The following IGSF9 variants were observed in gnomAD, a reference collection of about 807,000 sequenced individuals.
The protein encoded by IGSF9 is protein turtle homolog A.
Under a neutral mutation model 121.7 loss-of-function variants are expected in IGSF9, and 87 were observed. The ratio of observed to expected loss-of-function variants is 0.71; its 90% confidence interval spans 0.60 to 0.85. The LOEUF (loss-of-function observed/expected upper bound fraction) is 0.85, where lower values mean the gene tolerates loss of function less well. Ranked by LOEUF, IGSF9 falls within the 40% of genes least tolerant of loss-of-function variation. IGSF9 has a pLI of 0.00. For synonymous variants in IGSF9, 640 were observed against 648.4 expected, an observed-to-expected ratio of 0.99 and a Z score of 0.20; for missense variants, 1,462 against 1,565.3, an observed-to-expected ratio of 0.93 and a Z score of 1.11.
intron 14 of IGSF9, 66 bp from the exon 15 acceptor site, chr1:159,930,505 C>T (rs1650955444): frequency 3.3e-6 from 5 of 1,517,602 alleles, no homozygotes; most frequent in Non-Finnish European, 4.4e-6. Flanking sequence ...CCTTCCACAA[C>T]TCCCAGTGCC....
rs773145007 is a variant in IGSF9 at position 159,929,382 on chromosome 1, T to C, written c.2338A>G (p.Ile780Val). The stretch of plus-strand genomic sequence containing the variant: ...GCTGACTTCCCGGTCGGAGAGAAGA[T>C]AAGAGGTGGATCTGGAAGGGCATGA... ...RKRLRQDPPL[I>V]FSPTGKSAAP... The change falls in exon 18 of 21, where the codon ATC becomes GTC. Residue 780 changes from isoleucine to valine, a missense_variant. Around this residue, in one of 3 missense-constraint regions of IGSF9, gnomAD observed 808 missense variants for 815.2 expected, o/e 0.99. Coordinates refer to ENST00000368094, the MANE Select transcript of IGSF9 (RefSeq NM_001135050.2). The C allele has an allele frequency of 3.1e-6, 5 of 1,614,010 alleles. No individual in the cohort carries two copies. The highest frequency in any genetic ancestry group is 4.2e-6 in the Non-Finnish European group (5 of 1,179,988).
intron 19 of IGSF9, 31 bp downstream of exon 19, chr1:159,928,127 G>A (rs189458240): frequency 3.7e-5 from 59 of 1,595,270 alleles, no homozygotes; most frequent in African/African-American, 2.0e-4. Flanking sequence ...GGACTGAGGC[G>A]GAGGCAGGGA....
Position 159,943,518 on chromosome 1 carries a change from G to A in IGSF9, c.-64C>T. Reference sequence around the variant, plus strand: ...AGGAGCCCAGATGGAGGGGCCAAGGGATGTCCTTCTGATCAGCTCAGGGAA... The same window carrying A: ...AGGAGCCCAGATGGAGGGGCCAAGGAATGTCCTTCTGATCAGCTCAGGGAA... On this transcript the variant is annotated 5_prime_UTR_variant, in exon 2 of 21. Transcript: ENST00000368094. 6.9e-7 allele frequency: 1 copy of A among 1,439,046 alleles called. No individual in the cohort carries two copies. Among genetic ancestry groups the A allele is most frequent in the African/African-American group, 1.4e-5 (1 of 69,912 alleles). 89.1% of individuals were successfully genotyped at this position (1,439,046 alleles called of 1,614,324 possible).
In IGSF9 at chr1:159,937,847, GGAGCCCT is replaced by G; in HGVS notation, c.248-16_248-10del. On this transcript the variant is annotated splice_polypyrimidine_tract_variant and intron_variant, in intron 3 of 20. Coordinates refer to ENST00000368094, the MANE Select transcript of IGSF9 (RefSeq NM_001135050.2). The stretch of plus-strand genomic sequence containing the variant: ...CTGCAGCCGGACTCGTCCTGGGGGA[GGAGCCCT>G]GAATCAAGGGTGCTGAAGGAACCCC... 6.2e-7 allele frequency: 1 copy of G among 1,612,276 alleles called. No homozygotes were observed. Among genetic ancestry groups the G allele is most frequent in the Non-Finnish European group, 8.5e-7 (1 of 1,179,160 alleles).
intron 3 of IGSF9, 66 bp from the exon 4 acceptor site, chr1:159,937,904 C>T: frequency 6.6e-7 from 1 of 1,514,956 alleles, no homozygotes; most frequent in Non-Finnish European, 9.0e-7. Context: ...CCCCTGGTCA[C>T]ACTGGTAATT....
At position 159,930,701 on chromosome 1, in the gene IGSF9, C is replaced by G. The variant is rs776567601; in HGVS notation, c.1804G>C (p.Ala602Pro). The G allele has an allele frequency of 1.2e-5, 19 of 1,613,950 alleles. No individual in the cohort carries two copies. Among genetic ancestry groups the G allele is most frequent in the Non-Finnish European group, 1.5e-5 (18 of 1,180,010 alleles). The change falls in exon 14 of 21, where the codon GCT (alanine) becomes CCT (proline). Residue 602 changes from alanine to proline, a missense_variant. Ala to Pro is a conservative substitution (Grantham distance 27). Around this residue, in one of 3 missense-constraint regions of IGSF9, gnomAD observed 808 missense variants for 815.2 expected, o/e 0.99. Coordinates refer to ENST00000368094, the MANE Select transcript of IGSF9 (RefSeq NM_001135050.2). ...SGPFSEIVLSAPEGLPTTPAA... is the reference protein window; with the variant it reads ...SGPFSEIVLSPPEGLPTTPAA... ...ACGAGAAGCTTCTCACCTTCCGGAGCAGACAAGACGATTTCGCTGAAGGGA... is the reference window on the plus strand; with the variant it reads ...ACGAGAAGCTTCTCACCTTCCGGAGGAGACAAGACGATTTCGCTGAAGGGA...
At chr1:159,945,383 G>A (rs1285514485) in intron 1 of IGSF9, among the ~76,000 whole-genome samples, 190 bp downstream of exon 1, 1 of 150,238 alleles carries the variant, frequency 6.7e-6, no homozygotes, top group Non-Finnish European at 1.5e-5. Flanking sequence ...ATTGCCTCCA[G>A]AACTCCTGCA....
intron 3 of IGSF9, among the ~76,000 whole-genome samples, chr1:159,942,167 C>G (rs1046919358): frequency 2.0e-5 from 3 of 152,234 alleles, no homozygotes; most frequent in Admixed American, 2.0e-4. Flanking sequence ...CCTCTGAGAC[C>G]TGGCACTAAA....
rs780572837 is a variant in IGSF9 at position 159,934,751 on chromosome 1, G to A, written c.745C>T (p.His249Tyr). ...NASQDVSLAC[H>Y]AEAYPANLTY... ...AGGTTAGCAGGGTATGCCTCAGCAT[G>A]GCAGGCCAATGAAACATCCTGGGAG... is the stretch of plus-strand genomic sequence containing the variant. The change falls in exon 7 of 21, where the codon CAT becomes TAT. Residue 249 changes from histidine to tyrosine, a missense_variant. Physicochemically the swap from His to Tyr is moderately conservative, Grantham distance 83. Around this residue, in one of 3 missense-constraint regions of IGSF9, gnomAD observed 558 missense variants for 599.4 expected, o/e 0.93. Coordinates refer to ENST00000368094, the MANE Select transcript of IGSF9 (RefSeq NM_001135050.2). 4.3e-6 allele frequency: 7 copies of A among 1,614,192 alleles called. No individual in the cohort carries two copies. Among genetic ancestry groups the A allele is most frequent in the Non-Finnish European group, 5.9e-6 (7 of 1,180,014 alleles).
chr1:159,932,849 G>A lies in IGSF9; in HGVS notation c.1105-197C>T. ...GCAGAGGGACCCCTCCCAATAGTGT[G>A]AGGCTGTGACTGCACAACTCCAGGG... On this transcript the variant is annotated intron_variant, in intron 9 of 20. Coordinates refer to ENST00000368094, the MANE Select transcript of IGSF9 (RefSeq NM_001135050.2). This position sits in a 1 kb window ranked among gnomAD's most constrained non-coding sequence, Gnocchi z 4.1. The A allele has an allele frequency of 1.8e-6, 1 of 570,354 alleles. No individual in the cohort carries two copies. Among genetic ancestry groups the A allele is most frequent in the South Asian group, 2.3e-5 (1 of 43,138 alleles). The allele number at this position is 570,354 out of a possible 1,614,324, so 35.3% of individuals were successfully genotyped here. A position where few individuals can be genotyped will look rare whatever the true frequency, so the allele number is the denominator to read the frequency against.
Position 159,928,877 on chromosome 1 carries a change from C to A in IGSF9, c.2511G>T (p.Arg837=). The change falls in exon 19 of 21, where the codon CGG becomes CGT. Residue 837 remains arginine (R), a synonymous_variant. Transcript: ENST00000368094. ...PSPHPDPPSS[R]GPLPLEPICR... ...AAATGGGCTCCAGAGGTAAGGGTCC[C>A]CGGCTAGATGGAGGATCCGGGTGGG... is the stretch of plus-strand genomic sequence containing the variant. The A allele has an allele frequency of 1.3e-6, 2 of 1,593,852 alleles. No individual in the cohort carries two copies. The highest frequency in any genetic ancestry group is 2.3e-5 in the East Asian group (1 of 44,162).
intron 20 of IGSF9, 42 bp downstream of exon 20, chr1:159,927,718 C>A: frequency 6.2e-7 from 1 of 1,601,592 alleles, no homozygotes; most frequent in Non-Finnish European, 8.5e-7. Flanking sequence ...GGATGTGGGA[C>A]AGTATGGCCG....
In IGSF9 at chr1:159,943,477, A is replaced by G; in HGVS notation, c.-23T>C. The stretch of plus-strand genomic sequence containing the variant: ...CATAGCCCAGCTGGCCTGCTCACCC[A>G]GCCCCTCCTATCCACAGGAGCCCAG... On this transcript the variant is annotated 5_prime_UTR_variant, in exon 2 of 21. Coordinates refer to ENST00000368094, the MANE Select transcript of IGSF9 (RefSeq NM_001135050.2). The G allele has an allele frequency of 6.5e-7, 1 of 1,537,874 alleles. No homozygotes were observed. The highest frequency in any genetic ancestry group is 8.8e-7 in the Non-Finnish European group (1 of 1,142,312).
In IGSF9 at chr1:159,927,230, C is replaced by A; in HGVS notation, c.*115G>T. ...CCCAAACCCACTATCAGGGTCTGTG[C>A]CTGGGCACCAAAGGGGCAGGCAGGG... On this transcript the variant is annotated 3_prime_UTR_variant, in exon 21 of 21. Transcript: ENST00000368094. 7.8e-7 allele frequency: 1 copy of A among 1,277,918 alleles called. No homozygotes were observed. The highest frequency in any genetic ancestry group is 1.1e-6 in the Non-Finnish European group (1 of 887,138). The allele number at this position is 1,277,918 out of a possible 1,614,324, so 79.2% of individuals were successfully genotyped here. A position where few individuals can be genotyped will look rare whatever the true frequency, so the allele number is the denominator to read the frequency against.
Position 159,927,248 on chromosome 1 carries a change from A to T in IGSF9, c.*97T>A. Reference sequence around the variant, plus strand: ...GTCTGTGCCTGGGCACCAAAGGGGCAGGCAGGGGCAGTGCCCTCGTTTGAA... The same window carrying T: ...GTCTGTGCCTGGGCACCAAAGGGGCTGGCAGGGGCAGTGCCCTCGTTTGAA... On this transcript the variant is annotated 3_prime_UTR_variant, in exon 21 of 21. Transcript: ENST00000368094. The T allele has an allele frequency of 6.9e-7, 1 of 1,450,488 alleles. No homozygotes were observed. The highest frequency in any genetic ancestry group is 2.3e-5 in the East Asian group (1 of 43,966). The allele number at this position is 1,450,488 out of a possible 1,614,324, so 89.9% of individuals were successfully genotyped here.
At position 159,928,768 on chromosome 1, in the gene IGSF9, G is replaced by A. The variant is rs367912620; in HGVS notation, c.2620C>T (p.Arg874Trp). 4.1e-6 allele frequency: 6 copies of A among 1,476,804 alleles called. No individual in the cohort carries two copies. The Admixed American group carries it at 7.8e-5, about 19-fold the overall frequency. The allele number at this position is 1,476,804 out of a possible 1,614,324, so 91.5% of individuals were successfully genotyped here. A position where few individuals can be genotyped will look rare whatever the true frequency, so the allele number is the denominator to read the frequency against. The stretch of plus-strand genomic sequence containing the variant: ...CGGGCCAGACGCTGGGCTGGAGTCC[G>A]AGGTTCTGCCTGCTCCCGGCCTGAC... ...ERSGREQAEP[R>W]TPAQRLARSF... is the part of the protein sequence containing the mutation. Residue 874 changes from arginine (R) to tryptophan (W), a missense_variant, in exon 19 of 21, where the codon CGG becomes TGG. Arg to Trp is a moderately radical substitution (Grantham distance 101). Coordinates refer to ENST00000368094, the MANE Select transcript of IGSF9 (RefSeq NM_001135050.2).
In IGSF9 at chr1:159,943,580, T is replaced by C; in HGVS notation, c.-126A>G. On this transcript the variant is annotated 5_prime_UTR_variant, in exon 2 of 21. Transcript: ENST00000368094. ...TCTCACTCTTCTGTACAGTGAGGGC[T>C]TGGCTCATGTAACACCCGAGGAAGC... is the stretch of plus-strand genomic sequence containing the variant. 1.2e-5 allele frequency: 10 copies of C among 834,094 alleles called. No individual in the cohort carries two copies. Among genetic ancestry groups the C allele is most frequent in the Middle Eastern group, 3.6e-4 (1 of 2,776 alleles). The allele number at this position is 834,094 out of a possible 1,614,324, so 51.7% of individuals were successfully genotyped here.
chr1:159,931,327 C>A lies in IGSF9; in HGVS notation c.1514-66G>T. 1 of 1,606,698 alleles carries A rather than the reference C, an allele frequency of 6.2e-7. No individual in the cohort carries two copies. Among genetic ancestry groups the A allele is most frequent in the Non-Finnish European group, 8.5e-7 (1 of 1,174,996 alleles). On this transcript the variant is annotated intron_variant, in intron 12 of 20. Transcript: ENST00000368094. This position sits in a 1 kb window ranked among gnomAD's most constrained non-coding sequence, Gnocchi z 4.8. ...GGGAGTGTACAGAGTAGCAGGGGCC[C>A]CAGGGCCACTGACCTTCACCCATCA... is the stretch of plus-strand genomic sequence containing the variant.
chr1:159,943,571 A>C lies in IGSF9; in HGVS notation c.-117T>G. ...GGTTTCAGCTCTCACTCTTCTGTAC[A>C]GTGAGGGCTTGGCTCATGTAACACC... On this transcript the variant is annotated 5_prime_UTR_variant, in exon 2 of 21. Transcript: ENST00000368094. The C allele has an allele frequency of 1.0e-6, 1 of 958,700 alleles. No homozygotes were observed. Among genetic ancestry groups the C allele is most frequent in the Non-Finnish European group, 1.5e-6 (1 of 681,068 alleles). 59.4% of individuals were successfully genotyped at this position (958,700 alleles called of 1,614,324 possible).
Sources: allele counts gnomAD v4.1 joint callset (sites outside exome capture counted in the v4.1 genomes callset), GRCh38; gene constraint gnomAD v4.1.1; regional missense constraint gnomAD v4.1.1; non-coding constraint Gnocchi (gnomAD v3.1); transcripts MANE v1.5; gene names NCBI Gene and HGNC (gene_info 2026-07-23, HGNC 2026-07-21).